The following PKD2L1 variants were observed in gnomAD, a reference collection of about 807,000 sequenced individuals.
PKD2L1 encodes the protein polycystin-2-like protein 1.
A neutral mutation model predicts 93.0 loss-of-function variants in PKD2L1; 77 were observed. The ratio of observed to expected loss-of-function variants is 0.83; its 90% CI spans 0.69 to 1.00. PKD2L1 has a LOEUF of 1.00. Among genes scored for constraint, PKD2L1 ranks in the 50% least tolerant of loss-of-function variants. The pLI is 0.00. For missense variants in PKD2L1, 977 were observed against 990.9 expected (o/e 0.99, Z 0.19); for synonymous variants, 390 against 388.0 (o/e 1.01, Z -0.06).
chr10:100,300,472 G>T (rs562868328), intron 2 of PKD2L1, among the ~76,000 whole-genome samples: 7 of 152,180 alleles, frequency 4.6e-5, no homozygotes, highest in Non-Finnish European at 1.0e-4. Flanking sequence ...CCAGTCCCAT[G>T]TGCCAGTAGG....
chr10:100,299,881 C>G (rs1202307992), intron 2 of PKD2L1, among the ~76,000 whole-genome samples, 163 bp from the exon 3 acceptor site: 1 of 152,114 alleles, frequency 6.6e-6, no homozygotes, highest in African/African-American at 2.4e-5. Flanking sequence ...CATGAGGAAG[C>G]CAGGAAATGC....
At chr10:100,306,477 A>G (rs1848802204) in intron 2 of PKD2L1, among the ~76,000 whole-genome samples, 2 of 152,180 alleles carry the variant, frequency 1.3e-5, no homozygotes, top group Non-Finnish European at 2.9e-5. Context: ...ACTCCAGGGG[A>G]AAATCACTGA....
At chr10:100,318,644 G>A (rs1271730053) in intron 2 of PKD2L1, among the ~76,000 whole-genome samples, 4 of 150,054 alleles carry the variant, frequency 2.7e-5, no homozygotes, top group South Asian at 4.2e-4. Context: ...TCAGCCTCCC[G>A]AGTAGCTGGG....
At chr10:100,324,274 G>T (rs1486392024) in intron 2 of PKD2L1, among the ~76,000 whole-genome samples, 3 of 152,174 alleles carry the variant, frequency 2.0e-5, no homozygotes, top group Non-Finnish European at 4.4e-5. Flanking sequence ...GTTATACAAT[G>T]GACCTACATT....
chr10:100,300,178 C>A (rs1042652245), intron 2 of PKD2L1, among the ~76,000 whole-genome samples: 9 of 152,142 alleles, frequency 5.9e-5, no homozygotes, highest in African/African-American at 2.2e-4. Flanking sequence ...TGGCCAAACA[C>A]CTTACAATAG....
At position 100,290,511 on chromosome 10, in the gene PKD2L1, G is replaced by T. The variant is rs1007553300; in HGVS notation, c.2016C>A (p.Leu672=). 6.2e-7 allele frequency: 1 copy of T among 1,609,602 alleles called. No homozygotes were observed. Among genetic ancestry groups the T allele is most frequent in the Non-Finnish European group, 8.5e-7 (1 of 1,177,078 alleles). Reference sequence around the variant, plus strand: ...GGCCTAGTTTCTCAATCTCAGTGTTGAGGGCCACCTGCTCAGGAAGTCAGA... The same window carrying T: ...GGCCTAGTTTCTCAATCTCAGTGTTTAGGGCCACCTGCTCAGGAAGTCAGA... ...RQDLEEERVA[L]NTEIEKLGRS... is the part of the protein sequence containing the mutation. The change falls in exon 13 of 16, where the codon CTC becomes CTA. Residue 672 remains leucine (L), a synonymous_variant. Transcript: ENST00000318222.
At chr10:100,301,626 T>G (rs1848678786) in intron 2 of PKD2L1, among the ~76,000 whole-genome samples, 1 of 152,220 alleles carries the variant, frequency 6.6e-6, no homozygotes, top group Non-Finnish European at 1.5e-5. Context: ...CCTTGTTCCC[T>G]GAAAATCATT....
At chr10:100,289,215 AG>A (rs1244765677) in intron 14 of PKD2L1, among the ~76,000 whole-genome samples, 159 bp from the exon 15 acceptor site, 1 of 152,236 alleles carries the variant, frequency 6.6e-6, no homozygotes, top group African/African-American at 2.4e-5. Flanking sequence ...TGATAGTATT[AG>A]GAGGTGGGGC....
In PKD2L1 at chr10:100,289,041, A is replaced by C; in HGVS notation, c.2266T>G (p.Trp756Gly). Reference sequence around the variant, plus strand: ...GCTGGGGCTGGCTGCGGGTGCTTCCAAATAGCTTGTTCCTTCTGTTGGAAG... The same window carrying C: ...GCTGGGGCTGGCTGCGGGTGCTTCCCAATAGCTTGTTCCTTCTGTTGGAAG... ...PSPGVKEQAI[W>G]KHPQPAPAVT... The change falls in exon 15 of 16, where the codon TGG becomes GGG. Residue 756 changes from tryptophan to glycine, a missense_variant. Coordinates refer to ENST00000318222, the MANE Select transcript of PKD2L1 (RefSeq NM_016112.3). The C allele has an allele frequency of 6.2e-7, 1 of 1,612,646 alleles. No individual in the cohort carries two copies. The highest frequency in any genetic ancestry group is 8.5e-7 in the Non-Finnish European group (1 of 1,178,938).
At chr10:100,313,009 T>C (rs1848967492) in intron 2 of PKD2L1, among the ~76,000 whole-genome samples, 1 of 152,116 alleles carries the variant, frequency 6.6e-6, no homozygotes, top group Non-Finnish European at 1.5e-5. Flanking sequence ...TCAAAAGAGC[T>C]GAAGACACCA....
intron 5 of PKD2L1, 63 bp from the exon 6 acceptor site, chr10:100,297,271 C>T: frequency 6.4e-7 from 1 of 1,551,090 alleles, no homozygotes; most frequent in Non-Finnish European, 8.9e-7. Context: ...CTCCCACTTC[C>T]TCTCCTCTCC....
At chr10:100,313,344 T>G (rs1589675534) in intron 2 of PKD2L1, among the ~76,000 whole-genome samples, 2 of 152,306 alleles carry the variant, frequency 1.3e-5, no homozygotes, top group East Asian at 1.9e-4. Context: ...CTGGAGTCTT[T>G]GAACATATGG....
At chr10:100,323,312 A>G (rs1849303698) in intron 2 of PKD2L1, among the ~76,000 whole-genome samples, 1 of 152,234 alleles carries the variant, frequency 6.6e-6, no homozygotes, top group South Asian at 2.1e-4. Context: ...TCTGTCGCCC[A>G]GGCTGGAGTA....
At chr10:100,329,160 C>T (rs1329685766) in intron 2 of PKD2L1, 51 bp downstream of exon 2, 1 of 1,572,846 alleles carries the variant, frequency 6.4e-7, no homozygotes, top group Non-Finnish European at 8.7e-7. Context: ...ATATAGTGCA[C>T]ACATAGATGT....
chr10:100,310,756 C>T (rs1353172846), intron 2 of PKD2L1, among the ~76,000 whole-genome samples: 1 of 152,190 alleles, frequency 6.6e-6, no homozygotes, highest in Non-Finnish European at 1.5e-5. Flanking sequence ...GTCGCCCAGG[C>T]TGGAGTGCAG....
At chr10:100,306,855 C>CAAAAAAAAAAAAAAAAAAAAAAAAAAA (rs61413476) in intron 2 of PKD2L1, among the ~76,000 whole-genome samples, 9 of 49,864 alleles carry the variant, frequency 1.8e-4, no homozygotes, top group African/African-American at 9.2e-4. Context: ...GAGACCCTGT[C>CAAAAAAAAAAAAAAAAAAAAAAAAAAA]AAAAAAAAAA....
intron 6 of PKD2L1, among the ~76,000 whole-genome samples, chr10:100,296,767 A>G (rs1407852878): frequency 6.6e-6 from 1 of 151,802 alleles, no homozygotes; most frequent in African/African-American, 2.4e-5. Context: ...CTCAGATGAC[A>G]GGTGAGGAGG....
At chr10:100,315,360 C>G (rs1007368328) in intron 2 of PKD2L1, among the ~76,000 whole-genome samples, 1 of 151,986 alleles carries the variant, frequency 6.6e-6, no homozygotes, top group Non-Finnish European at 1.5e-5. Context: ...CTGCACCTAT[C>G]GACTCATCAT....
intron 2 of PKD2L1, among the ~76,000 whole-genome samples, chr10:100,308,589 C>T (rs1053156707): frequency 6.6e-6 from 1 of 152,164 alleles, no homozygotes; most frequent in African/African-American, 2.4e-5. Flanking sequence ...CCCACCTTGG[C>T]CTCCCAAAGT....
Sources: allele counts gnomAD v4.1 joint callset (sites outside exome capture counted in the v4.1 genomes callset), GRCh38; gene constraint gnomAD v4.1.1; transcripts MANE v1.5; gene names NCBI Gene and HGNC (gene_info 2026-07-23, HGNC 2026-07-21).